LRRC53: variants seen among roughly 807,000 people sequenced by gnomAD.
The protein encoded by LRRC53 is leucine-rich repeat-containing protein 53.
In LRRC53, 25 loss-of-function variants were observed where a neutral mutation model predicts 13.6. The observed-to-expected ratio is 1.83, with a 90% CI of 1.34 to 2.56. The LOEUF is 2.56. LRRC53 is among the 30% of genes most tolerant of loss of function. The pLI is 0.00. For missense variants in LRRC53, 527 were observed against 275.8 expected, an observed-to-expected ratio of 1.91 and a Z score of -6.45; for synonymous variants, 204 against 109.8, an observed-to-expected ratio of 1.86 and a Z score of -5.37.
chr1:74,479,339 T>C (rs992265552), intron 3 of LRRC53, among the ~76,000 whole-genome samples: 1 of 152,232 alleles, frequency 6.6e-6, no homozygotes, highest in Non-Finnish European at 1.5e-5. Context: ...GATGTAATGA[T>C]AGCTGATGCA....
intron 1 of LRRC53, among the ~76,000 whole-genome samples, chr1:74,503,295 A>C (rs1225603187): frequency 6.6e-6 from 1 of 152,200 alleles, no homozygotes; most frequent in Non-Finnish European, 1.5e-5. Context: ...AAATAATTTT[A>C]ATATTTATAA....
intron 1 of LRRC53, among the ~76,000 whole-genome samples, chr1:74,505,996 G>A (rs931511141): frequency 1.8e-4 from 27 of 152,054 alleles, no homozygotes; most frequent in Non-Finnish European, 2.9e-5. Context: ...ATCACTTTTT[G>A]TTTTTTTGGC....
chr1:74,508,932 A>G (rs980233411), intron 1 of LRRC53, among the ~76,000 whole-genome samples: 26 of 152,300 alleles, frequency 1.7e-4, no homozygotes, highest in Middle Eastern at 3.4e-3. Flanking sequence ...AACACTTAAT[A>G]TCATCCCTGA....
the LRRC53 span, among the ~76,000 whole-genome samples, chr1:74,531,878 A>G: frequency 6.6e-6 from 1 of 152,212 alleles, no homozygotes; most frequent in South Asian, 2.1e-4. Context: ...GACGGCAATA[A>G]ACCACAAAAC....
chr1:74,512,245 G>A (rs191384463), intron 1 of LRRC53, among the ~76,000 whole-genome samples: 2 of 152,292 alleles, frequency 1.3e-5, no homozygotes, highest in Admixed American at 1.3e-4. Context: ...CATGGAGCTA[G>A]GGATAATATG....
rs1176115524 is a variant in LRRC53, at chr1:74,480,723, G to A, written c.334C>T (p.Leu112=). 1.4e-6 allele frequency: 1 copy of A among 717,370 alleles called. No homozygotes were observed. The highest frequency in any genetic ancestry group is 1.7e-5 in the African/African-American group (1 of 57,278). 44.4% of individuals were successfully genotyped at this position (717,370 alleles called of 1,614,324 possible). A position where few individuals can be genotyped will look rare whatever the true frequency, so the allele number is the denominator to read the frequency against. ...TFSKLHSLQV[L]VLSNNALRTL... ...CGGAGAGCATTATTGCTCAGCACCA[G>A]TACCTGCAGGCTGTGAAGCTTGCTG... Residue 112 remains leucine, a synonymous_variant, in exon 3 of 5, where the codon CTG becomes TTG. Coordinates refer to ENST00000294635, the MANE Select transcript of LRRC53 (RefSeq NM_001382280.1).
chr1:74,498,840 C>T (rs1439685841), intron 1 of LRRC53, among the ~76,000 whole-genome samples: 1 of 151,950 alleles, frequency 6.6e-6, no homozygotes, highest in Non-Finnish European at 1.5e-5. Flanking sequence ...ACATTCATTC[C>T]CTGTGTGTTT....
intron 1 of LRRC53, among the ~76,000 whole-genome samples, chr1:74,511,188 C>T (rs939007445): frequency 2.9e-4 from 36 of 123,960 alleles, no homozygotes; most frequent in African/African-American, 1.1e-3. Flanking sequence ...GCTACCGTGC[C>T]CGGCCTATTT....
rs978416035 is a variant in LRRC53, at chr1:74,470,898, CA to C, written c.2723del (p.Met908ArgfsTer11). ...CACTGGTCTTTGATACATTCTGTCC[CA>C]TGTGCTCAGTGGACTCCGTTGTCCC... Reference protein sequence around the residue: ...DQGTTESTEHMGQNVSKTSEL... With the variant: ...DQGTTESTEHXGQNVSKTSEL... On this transcript the variant is annotated frameshift_variant, in exon 5 of 5. Transcript: ENST00000294635. LOFTEE classifies it low-confidence loss of function (END_TRUNC). 1 of 400,592 alleles carries C rather than the reference CA, an allele frequency of 2.5e-6. No homozygotes were observed. The highest frequency in any genetic ancestry group is 2.1e-5 in the African/African-American group (1 of 48,684). 24.8% of individuals were successfully genotyped at this position (400,592 alleles called of 1,614,324 possible). A position where few individuals can be genotyped will look rare whatever the true frequency, so the allele number is the denominator to read the frequency against.
At chr1:74,537,002 G>C in the LRRC53 span, among the ~76,000 whole-genome samples, 1 of 152,268 alleles carries the variant, frequency 6.6e-6, no homozygotes, top group Non-Finnish European at 1.5e-5. Flanking sequence ...CTTCTGTTTT[G>C]TTTGACCTGG....
At chr1:74,533,203 T>A in the LRRC53 span, among the ~76,000 whole-genome samples, 1 of 151,420 alleles carries the variant, frequency 6.6e-6, no homozygotes, top group Non-Finnish European at 1.5e-5. Flanking sequence ...TACAATGAAC[T>A]CAAATTTACA....
the LRRC53 span, among the ~76,000 whole-genome samples, chr1:74,529,812 C>T: frequency 1.6e-4 from 25 of 152,232 alleles, no homozygotes; most frequent in East Asian, 4.6e-3. Context: ...CCATTTGATT[C>T]CAAAGTCTTT....
chr1:74,499,107 C>A (rs745432012), intron 1 of LRRC53, among the ~76,000 whole-genome samples: 2 of 152,150 alleles, frequency 1.3e-5, no homozygotes, highest in Non-Finnish European at 2.9e-5. Context: ...AATGCAGGTG[C>A]GTGCACACTG....
chr1:74,515,923 T>C (rs1416265351), upstream of LRRC53, among the ~76,000 whole-genome samples: 1 of 152,208 alleles, frequency 6.6e-6, no homozygotes, highest in Non-Finnish European at 1.5e-5. Context: ...ACCTCCTGGC[T>C]GCCTTCAAGG....
At chr1:74,499,665 A>G (rs965798517) in intron 1 of LRRC53, among the ~76,000 whole-genome samples, 1 of 152,008 alleles carries the variant, frequency 6.6e-6, no homozygotes, top group Non-Finnish European at 1.5e-5. Context: ...CAATTTTTAT[A>G]CTCAGCTTGT....
intron 4 of LRRC53, 139 bp downstream of exon 4, chr1:74,475,156 A>G (rs1570669386): frequency 1.8e-6 from 1 of 557,498 alleles, no homozygotes; most frequent in South Asian, 2.7e-5. Context: ...ACACACACAC[A>G]CAGTATTTTT....
intron 1 of LRRC53, among the ~76,000 whole-genome samples, chr1:74,499,618 A>G (rs1474644852): frequency 1.3e-5 from 2 of 152,156 alleles, no homozygotes; most frequent in East Asian, 3.8e-4. Context: ...GGGTCTTGGA[A>G]TATATCCCTG....
intron 1 of LRRC53, among the ~76,000 whole-genome samples, chr1:74,502,037 T>G (rs1669659755): frequency 6.6e-6 from 1 of 152,192 alleles, no homozygotes; most frequent in East Asian, 1.9e-4. Context: ...TACAGGTGTT[T>G]CTTATCTGAC....
chr1:74,479,900 C>T (rs1445607240), intron 3 of LRRC53, among the ~76,000 whole-genome samples: 2 of 152,306 alleles, frequency 1.3e-5, no homozygotes, highest in Admixed American at 1.3e-4. Flanking sequence ...TCAAGGTCAC[C>T]AATGCTATTT....
Sources: gnomAD v4.1 joint callset for allele counts (sites outside exome capture counted in the v4.1 genomes callset) on GRCh38, gnomAD v4.1.1 for gene constraint, MANE v1.5 for transcripts, NCBI Gene and HGNC (gene_info 2026-07-23, HGNC 2026-07-21) for gene names.